The following RTL4 variants were observed in gnomAD, a reference collection of about 807,000 sequenced individuals.
RTL4 encodes the protein retrotransposon Gag like 4.
In RTL4, 4 loss-of-function variants were observed where a neutral mutation model predicts 5.3. The ratio of observed to expected loss-of-function variants is 0.75; its 90% CI spans 0.37 to 1.72. The LOEUF is 1.72. RTL4 is among the 40% of genes most tolerant of loss of function. The pLI is 0.04. For synonymous variants in RTL4, 98 were observed against 87.3 expected (o/e 1.12, Z -0.68); for missense variants, 260 against 227.1 (o/e 1.14, Z -0.93).
the RTL4 span, among the ~76,000 whole-genome samples, chrX:112,171,576 GTATATC>G: frequency 1.8e-5 from 2 of 111,525 alleles, no homozygotes; most frequent in African/African-American, 6.5e-5. Context: ...ATTGTTGTTT[GTATATC>G]TGTGGGGTCA....
chrX:112,416,583 C>T, the RTL4 span, among the ~76,000 whole-genome samples: 3 of 112,052 alleles, frequency 2.7e-5, no homozygotes, highest in Non-Finnish European at 5.6e-5. Context: ...ATCCATAACA[C>T]TGGCTAGTAT....
At chrX:112,186,452 T>C in the RTL4 span, among the ~76,000 whole-genome samples, 4 of 112,021 alleles carry the variant, frequency 3.6e-5, no homozygotes, top group East Asian at 1.1e-3. Context: ...AGAATGTATA[T>C]GTTTTTATGT....
the RTL4 span, among the ~76,000 whole-genome samples, chrX:112,252,083 G>C: frequency 8.9e-6 from 1 of 111,786 alleles, no homozygotes; most frequent in Admixed American, 9.5e-5. Context: ...ATCAGCTACT[G>C]TTCTCTTTAT....
the RTL4 span, among the ~76,000 whole-genome samples, chrX:112,101,304 A>T: frequency 8.9e-6 from 1 of 112,061 alleles, no homozygotes; most frequent in African/African-American, 3.2e-5. Context: ...CAAAGATAGA[A>T]ATAGAAACTT....
At chrX:112,286,418 G>C in the RTL4 span, among the ~76,000 whole-genome samples, 1 of 111,337 alleles carries the variant, frequency 9.0e-6, no homozygotes, top group South Asian at 3.8e-4. Flanking sequence ...GTAAGGTTTT[G>C]AGCAGAGGAG....
chrX:112,154,946 T>A, the RTL4 span, among the ~76,000 whole-genome samples: 187 of 111,217 alleles, frequency 1.7e-3, 1 homozygote, highest in African/African-American at 5.7e-3. Flanking sequence ...TTTAGACCCT[T>A]ATAAAAGAGG....
At chrX:112,141,644 G>A in the RTL4 span, among the ~76,000 whole-genome samples, 2 of 110,379 alleles carry the variant, frequency 1.8e-5, no homozygotes, top group South Asian at 3.9e-4. Context: ...TAAATGCCAC[G>A]GTGTCTTGGA....
At chrX:112,315,040 A>G in the RTL4 span, among the ~76,000 whole-genome samples, 70 of 111,762 alleles carry the variant, frequency 6.3e-4, no homozygotes, top group Non-Finnish European at 1.1e-3. Context: ...TTGCCTCGAA[A>G]TTAAGTATAT....
chrX:112,316,056 G>T, the RTL4 span, among the ~76,000 whole-genome samples: 549 of 112,126 alleles, frequency 4.9e-3, 2 homozygotes, highest in African/African-American at 0.017. Flanking sequence ...ATGCCCACCT[G>T]CAGTGGAGAA....
At chrX:112,255,856 T>C in the RTL4 span, among the ~76,000 whole-genome samples, 1 of 112,001 alleles carries the variant, frequency 8.9e-6, no homozygotes, top group Non-Finnish European at 1.9e-5. Flanking sequence ...GCAAATATCT[T>C]TCCTAATTTA....
chrX:112,235,358 T>C, the RTL4 span, among the ~76,000 whole-genome samples: 2 of 111,641 alleles, frequency 1.8e-5, no homozygotes, highest in South Asian at 3.8e-4. Flanking sequence ...ATGGCTTCAG[T>C]TTCTGGTTGT....
the RTL4 span, among the ~76,000 whole-genome samples, chrX:112,434,763 T>C: frequency 8.9e-6 from 1 of 112,043 alleles, no homozygotes; most frequent in Non-Finnish European, 1.9e-5. Context: ...AAATTATTGT[T>C]ATCTTCTGGG....
the RTL4 span, among the ~76,000 whole-genome samples, chrX:112,319,686 C>T: frequency 9.0e-6 from 1 of 111,456 alleles, no homozygotes; most frequent in Non-Finnish European, 1.9e-5. Flanking sequence ...TCTGATTTTG[C>T]CACTGTAGAT....
the RTL4 span, among the ~76,000 whole-genome samples, chrX:112,133,845 G>C: frequency 8.9e-6 from 1 of 111,855 alleles, no homozygotes; most frequent in East Asian, 2.8e-4. Flanking sequence ...TCTCATTATT[G>C]ATCTATATAG....
chrX:112,221,002 C>T, the RTL4 span, among the ~76,000 whole-genome samples: 1 of 112,191 alleles, frequency 8.9e-6, no homozygotes, highest in Non-Finnish European at 1.9e-5. Context: ...TATAGCAATA[C>T]CCTACTCTCA....
At chrX:112,353,494 C>T in the RTL4 span, among the ~76,000 whole-genome samples, 189 of 111,051 alleles carry the variant, frequency 1.7e-3, no homozygotes, top group African/African-American at 5.8e-3. Context: ...CATGGAATAC[C>T]ATGCAGCCAT....
At chrX:112,090,879 T>G in the RTL4 span, among the ~76,000 whole-genome samples, 5 of 111,256 alleles carry the variant, frequency 4.5e-5, no homozygotes, top group African/African-American at 1.6e-4. Flanking sequence ...TATTTGGTTC[T>G]GGGCTTCTTA....
the RTL4 span, among the ~76,000 whole-genome samples, chrX:112,169,974 T>C: frequency 8.9e-6 from 1 of 112,474 alleles, no homozygotes; most frequent in Non-Finnish European, 1.9e-5. Context: ...CGTTTCTGCA[T>C]ATGGCTAGCC....
At chrX:112,315,504 T>C in the RTL4 span, among the ~76,000 whole-genome samples, 1 of 111,905 alleles carries the variant, frequency 8.9e-6, no homozygotes, top group African/African-American at 3.2e-5. Context: ...TTCATGTGAA[T>C]CTGGCATTCT....
Sources: gnomAD v4.1 joint callset for allele counts (sites outside exome capture counted in the v4.1 genomes callset) on GRCh38, gnomAD v4.1.1 for gene constraint, MANE v1.5 for transcripts, NCBI Gene and HGNC (gene_info 2026-07-23, HGNC 2026-07-21) for gene names.